Variants in TRAPPC9 observed in about 807,000 individuals in gnomAD.
The protein encoded by TRAPPC9 is IKK2 binding protein.
Under a neutral mutation model 124.0 loss-of-function variants are expected in TRAPPC9, and 83 were observed. That is an observed-to-expected ratio of 0.67 (90% CI 0.56 to 0.80). TRAPPC9 has a LOEUF of 0.80. TRAPPC9 is among the 30% of genes least tolerant of loss of function. The pLI is 0.00. For missense variants in TRAPPC9, 1,302 were observed against 1,508.3 expected (o/e 0.86, Z 2.27); for synonymous variants, 638 against 617.5 (o/e 1.03, Z -0.49).
intron 17 of TRAPPC9, among the ~76,000 whole-genome samples, chr8:140,166,075 C>T (rs767788886): frequency 6.6e-6 from 1 of 152,208 alleles, no homozygotes; most frequent in African/African-American, 2.4e-5. Flanking sequence ...TGTGCACCTA[C>T]GACCAGGTGG....
chr8:140,188,344 G>A (rs541226247), intron 17 of TRAPPC9, among the ~76,000 whole-genome samples: 4 of 152,130 alleles, frequency 2.6e-5, no homozygotes, highest in East Asian at 1.9e-4. Context: ...ATAAAAACCC[G>A]TGAATGAATG....
chr8:140,013,123 T>C (rs1275019879), intron 18 of TRAPPC9, among the ~76,000 whole-genome samples: 1 of 152,174 alleles, frequency 6.6e-6, no homozygotes, highest in African/African-American at 2.4e-5. Flanking sequence ...GGATAATTAA[T>C]GCTTTTGTGA....
At chr8:140,260,632 GAGAACACA>G (rs1347952663) in intron 15 of TRAPPC9, among the ~76,000 whole-genome samples, 1 of 152,212 alleles carries the variant, frequency 6.6e-6, no homozygotes, top group Non-Finnish European at 1.5e-5. Flanking sequence ...AAGGAGGAAG[GAGAACACA>G]AGACAATAAC....
chr8:140,314,713 CTTTT>C (rs1370973511), intron 9 of TRAPPC9, among the ~76,000 whole-genome samples: 1 of 152,192 alleles, frequency 6.6e-6, no homozygotes, highest in African/African-American at 2.4e-5. Context: ...CTGTGCCTGG[CTTTT>C]TTCACTTAAC....
chr8:139,739,470 G>A (rs1818415108), intron 21 of TRAPPC9, among the ~76,000 whole-genome samples: 1 of 152,194 alleles, frequency 6.6e-6, no homozygotes, highest in African/African-American at 2.4e-5. Flanking sequence ...GGTCTCCTCG[G>A]CCCTACGAGT....
intron 8 of TRAPPC9, among the ~76,000 whole-genome samples, chr8:140,366,812 T>C (rs1037423629): frequency 3.3e-5 from 5 of 152,080 alleles, no homozygotes; most frequent in African/African-American, 1.2e-4. Flanking sequence ...GGAAGAAATA[T>C]TTGCAAAAGA....
intron 19 of TRAPPC9, among the ~76,000 whole-genome samples, chr8:139,948,665 C>T (rs1834432840): frequency 6.6e-6 from 1 of 152,206 alleles, no homozygotes; most frequent in South Asian, 2.1e-4. Flanking sequence ...TTACGGCAAC[C>T]CTGATCTGGC....
intron 17 of TRAPPC9, among the ~76,000 whole-genome samples, chr8:140,103,205 C>T (rs2060610967): frequency 6.6e-6 from 1 of 152,166 alleles, no homozygotes; most frequent in Admixed American, 6.5e-5. Flanking sequence ...TCTTCCAGAC[C>T]CTCGATGACA....
At chr8:140,254,647 C>G (rs2064204918) in intron 15 of TRAPPC9, among the ~76,000 whole-genome samples, 1 of 152,232 alleles carries the variant, frequency 6.6e-6, no homozygotes, top group Admixed American at 6.5e-5. Context: ...AGGTCCTCCT[C>G]CTGGTGCCCC....
At chr8:140,454,365 G>A (rs1031620170) in intron 1 of TRAPPC9, among the ~76,000 whole-genome samples, 6 of 151,182 alleles carry the variant, frequency 4.0e-5, no homozygotes, top group Non-Finnish European at 5.9e-5. Context: ...TCAGCCGGGT[G>A]TGGTGGCTCA....
Position 139,730,823 on chromosome 8 carries a change from G to A in TRAPPC9, c.*238C>T. The A allele has an allele frequency of 1.8e-6, 1 of 568,970 alleles. No individual in the cohort carries two copies. The highest frequency in any genetic ancestry group is 2.1e-5 in the South Asian group (1 of 48,172). The allele number at this position is 568,970 out of a possible 1,614,324, so 35.2% of individuals were successfully genotyped here. Reference sequence around the variant, plus strand: ...TGGGATTTCCTCTGCTTCAGCCTGTGTATGGTCCAGGGAACAGTGTAGGAA... The same window carrying A: ...TGGGATTTCCTCTGCTTCAGCCTGTATATGGTCCAGGGAACAGTGTAGGAA... On this transcript the variant is annotated 3_prime_UTR_variant, in exon 23 of 23. Coordinates refer to ENST00000438773, the MANE Select transcript of TRAPPC9 (RefSeq NM_001160372.4).
intron 21 of TRAPPC9, among the ~76,000 whole-genome samples, chr8:139,810,178 A>C (rs1450781609): frequency 1.3e-5 from 2 of 152,300 alleles, no homozygotes; most frequent in East Asian, 3.9e-4. Flanking sequence ...GAGGGCAACA[A>C]ATTTTTGGAA....
chr8:140,166,940 A>T (rs1376444079), intron 17 of TRAPPC9, among the ~76,000 whole-genome samples: 2 of 152,206 alleles, frequency 1.3e-5, no homozygotes, highest in African/African-American at 4.8e-5. Context: ...GAGAGAAAGC[A>T]ACTTGTCCTC....
At chr8:140,395,993 C>G (rs890257768) in intron 7 of TRAPPC9, among the ~76,000 whole-genome samples, 5 of 152,186 alleles carry the variant, frequency 3.3e-5, no homozygotes, top group Non-Finnish European at 7.3e-5. Flanking sequence ...GGCTGGCCTT[C>G]CTGCCAACAG....
intron 19 of TRAPPC9, among the ~76,000 whole-genome samples, chr8:139,979,239 C>A (rs1180836326): frequency 2.6e-5 from 4 of 152,190 alleles, no homozygotes; most frequent in Non-Finnish European, 4.4e-5. Context: ...GGCTTAAGAA[C>A]CGTGTAGGTG....
intron 5 of TRAPPC9, among the ~76,000 whole-genome samples, chr8:140,418,408 A>G (rs570422406): frequency 6.6e-6 from 1 of 152,362 alleles, no homozygotes; most frequent in East Asian, 1.9e-4. Context: ...AGAAAACTAC[A>G]GATCCACATT....
chr8:140,407,426 G>T (rs560762793), intron 5 of TRAPPC9, among the ~76,000 whole-genome samples: 2 of 151,854 alleles, frequency 1.3e-5, no homozygotes, highest in Non-Finnish European at 2.9e-5. Flanking sequence ...AAATGGTGGG[G>T]GGGGGCGGGT....
chr8:140,049,843 C>T (rs1272159373), intron 17 of TRAPPC9, among the ~76,000 whole-genome samples: 1 of 152,166 alleles, frequency 6.6e-6, no homozygotes, highest in South Asian at 2.1e-4. Flanking sequence ...GAGCTTTATT[C>T]CTCATTGTAG....
intron 21 of TRAPPC9, among the ~76,000 whole-genome samples, chr8:139,733,330 T>C (rs1316772212): frequency 6.6e-6 from 1 of 152,144 alleles, no homozygotes; most frequent in African/African-American, 2.4e-5. Flanking sequence ...GAACCTCCCA[T>C]GGTCCTGCAG....
Sources: allele counts gnomAD v4.1 joint callset (sites outside exome capture counted in the v4.1 genomes callset), GRCh38; gene constraint gnomAD v4.1.1; transcripts MANE v1.5; gene names NCBI Gene and HGNC (gene_info 2026-07-23, HGNC 2026-07-21).